Variants in SHC3 observed in about 807,000 individuals in gnomAD.
SHC3 encodes the protein SHC adaptor protein 3.
A neutral mutation model predicts 60.4 loss-of-function variants in SHC3; 15 were observed. The observed-to-expected ratio is 0.25, with a 90% confidence interval of 0.17 to 0.38. The LOEUF is 0.38. Among genes scored for constraint, SHC3 ranks in the 10% least tolerant of loss-of-function variants. The pLI, the probability that SHC3 is intolerant of heterozygous loss-of-function variation, is 1.00. For missense variants in SHC3, 677 were observed against 786.1 expected, an observed-to-expected ratio of 0.86 and a Z score of 1.66; for synonymous variants, 294 against 325.9, an observed-to-expected ratio of 0.90 and a Z score of 1.05.
intron 1 of SHC3, among the ~76,000 whole-genome samples, chr9:89,128,816 C>G (rs867229738): frequency 6.6e-6 from 1 of 152,170 alleles, no homozygotes; most frequent in African/African-American, 2.4e-5. Context: ...AGCAGAAAAG[C>G]TGAAAATTCT....
Position 89,132,735 on chromosome 9 carries a change from T to C in SHC3, c.475-20109A>G, listed in dbSNP as rs1826265568. 3.3e-5 allele frequency among the ~76,000 whole-genome samples: 5 copies of C among 152,204 alleles called. No homozygotes were observed. In the South Asian group the frequency reaches 1.0e-3, roughly 31 times the overall value. On this transcript the variant is annotated intron_variant, in intron 1 of 11. Transcript: ENST00000375835. Reference sequence around the variant, plus strand: ...TAGAAAGCTGAAACTGGATCCTTCCTTACACCTTATACAAAAATTAATTCA... The same window carrying C: ...TAGAAAGCTGAAACTGGATCCTTCCCTACACCTTATACAAAAATTAATTCA...
At position 89,087,040 on chromosome 9, in the gene SHC3, T is replaced by C. The variant is rs539433767; in HGVS notation, c.546-9137A>G. ...CTCCTCACTACCGTGGGTTCCACCA[T>C]GCATGCGCACACCCATCCGCCCACA... On this transcript the variant is annotated intron_variant, in intron 2 of 11. Transcript: ENST00000375835. Among the ~76,000 whole-genome samples, 10 of 152,336 alleles carry C rather than the reference T, an allele frequency of 6.6e-5. No homozygotes were observed. The East Asian group carries it at 1.9e-3, about 29-fold the overall frequency.
intron 1 of SHC3, among the ~76,000 whole-genome samples, chr9:89,170,767 G>A (rs775112485): frequency 3.9e-5 from 6 of 151,902 alleles, no homozygotes; most frequent in Admixed American, 1.3e-4. Flanking sequence ...AACACAAATC[G>A]AACAATGCAG....
chr9:89,054,091 C>T (rs149118966), intron 6 of SHC3, among the ~76,000 whole-genome samples: 3 of 152,226 alleles, frequency 2.0e-5, no homozygotes, highest in East Asian at 1.9e-4. Context: ...ACGAAGAATA[C>T]GATTTACTGA....
At chr9:89,173,085 C>T (rs1826893460) in intron 1 of SHC3, among the ~76,000 whole-genome samples, 1 of 152,278 alleles carries the variant, frequency 6.6e-6, no homozygotes. Context: ...AGACCAACCC[C>T]AGCACAACCC....
chr9:89,014,487 C>T (rs1826063180), intron 11 of SHC3, among the ~76,000 whole-genome samples: 1 of 152,150 alleles, frequency 6.6e-6, no homozygotes. Context: ...CATTCACCCT[C>T]ACAGGCCACC....
Position 89,036,493 on chromosome 9 carries a change from TC to T in SHC3, c.1656+1499del, listed in dbSNP as rs545645423. 7.4e-4 allele frequency among the ~76,000 whole-genome samples: 112 copies of T among 152,266 alleles called. 1 individual carries two copies. The highest frequency in any genetic ancestry group is 2.7e-3 in the African/African-American group (111 of 41,572). ...ACCAAAACGCCACTCTTGGCTCCTG[TC>T]CCAGAGATACCGTCCCCGGGTACAG... On this transcript the variant is annotated intron_variant, in intron 11 of 11. Coordinates refer to ENST00000375835, the MANE Select transcript of SHC3 (RefSeq NM_016848.6).
Position 89,116,513 on chromosome 9 carries a change from T to C in SHC3, c.475-3887A>G, listed in dbSNP as rs139357407. Among the ~76,000 whole-genome samples the C allele has an allele frequency of 9.1e-4, 138 of 152,148 alleles. 1 individual carries two copies. The highest frequency in any genetic ancestry group is 1.5e-3 in the Non-Finnish European group (100 of 68,010). The stretch of plus-strand genomic sequence containing the variant: ...TACCACAACCAAAGCTGCAGAAATA[T>C]GTGAATACCACCAACACCAACACCC... On this transcript the variant is annotated intron_variant, in intron 1 of 11. Coordinates refer to ENST00000375835, the MANE Select transcript of SHC3 (RefSeq NM_016848.6).
chr9:89,076,028 T>A (rs1825353078), intron 3 of SHC3, among the ~76,000 whole-genome samples: 1 of 152,124 alleles, frequency 6.6e-6, no homozygotes, highest in South Asian at 2.1e-4. Context: ...CACACCCTTT[T>A]TAATCCCCTG....
chr9:89,123,586 G>A (rs921048805), intron 1 of SHC3, among the ~76,000 whole-genome samples: 3 of 152,202 alleles, frequency 2.0e-5, no homozygotes, highest in Non-Finnish European at 4.4e-5. Flanking sequence ...AGCCAAGCCA[G>A]TGTGTCAAGA....
chr9:89,071,553 T>C (rs1377917007), intron 4 of SHC3, among the ~76,000 whole-genome samples: 1 of 152,128 alleles, frequency 6.6e-6, no homozygotes, highest in African/African-American at 2.4e-5. Context: ...AGTGGCTTGC[T>C]CAAATTAAGA....
chr9:89,091,373 C>CA (rs1825619059), intron 2 of SHC3, among the ~76,000 whole-genome samples: 1 of 152,162 alleles, frequency 6.6e-6, no homozygotes, highest in African/African-American at 2.4e-5. Flanking sequence ...TGTTCAGAAA[C>CA]AGAGTGTGTG....
chr9:89,039,737 A>G (rs1355401228), intron 10 of SHC3, among the ~76,000 whole-genome samples: 2 of 152,060 alleles, frequency 1.3e-5, no homozygotes, highest in Non-Finnish European at 1.5e-5. Flanking sequence ...CAACAGCAGC[A>G]GCAGCAATAG....
intron 2 of SHC3, among the ~76,000 whole-genome samples, chr9:89,085,521 T>C (rs979429457): frequency 6.6e-6 from 1 of 152,212 alleles, no homozygotes; most frequent in Admixed American, 6.5e-5. Context: ...TCCGTAGGAT[T>C]CTGCAGGTAG....
chr9:89,169,310 A>AC (rs1235725469), intron 1 of SHC3, among the ~76,000 whole-genome samples: 1 of 152,094 alleles, frequency 6.6e-6, no homozygotes, highest in Non-Finnish European at 1.5e-5. Context: ...CTTCTCAGGG[A>AC]CCACAGAGTC....
intron 11 of SHC3, among the ~76,000 whole-genome samples, chr9:89,027,569 G>A (rs973579538): frequency 7.1e-5 from 10 of 141,070 alleles, no homozygotes; most frequent in Non-Finnish European, 1.4e-4. Context: ...GCCCGCCTAG[G>A]CCTCCCAAAG....
intron 1 of SHC3, among the ~76,000 whole-genome samples, chr9:89,126,642 C>G (rs1007378439): frequency 1.3e-5 from 2 of 152,182 alleles, no homozygotes; most frequent in Admixed American, 1.3e-4. Context: ...CTGGGGTCCT[C>G]ACTTTCCCCA....
At chr9:89,097,939 T>C (rs1040330315) in intron 2 of SHC3, among the ~76,000 whole-genome samples, 1 of 152,226 alleles carries the variant, frequency 6.6e-6, no homozygotes, top group African/African-American at 2.4e-5. Flanking sequence ...TTCTATACAG[T>C]TGGAACACTA....
intron 1 of SHC3, among the ~76,000 whole-genome samples, chr9:89,130,696 A>G (rs1826231759): frequency 6.6e-6 from 1 of 152,214 alleles, no homozygotes; most frequent in African/African-American, 2.4e-5. Context: ...AGGCAGAAAT[A>G]AAGATGCTCT....
Sources: gnomAD v4.1 joint callset for allele counts (sites outside exome capture counted in the v4.1 genomes callset) on GRCh38, gnomAD v4.1.1 for gene constraint, MANE v1.5 for transcripts, NCBI Gene and HGNC (gene_info 2026-07-23, HGNC 2026-07-21) for gene names.